ARHGAP15: variants seen among roughly 807,000 people sequenced by gnomAD.
The protein encoded by ARHGAP15 is rho GTPase-activating protein 15.
Under a neutral mutation model 63.7 loss-of-function variants are expected in ARHGAP15, and 51 were observed. That is an observed-to-expected ratio of 0.80 (90% CI 0.64 to 1.01). The LOEUF is 1.01. ARHGAP15 is among the 50% of genes least tolerant of loss of function. The probability of loss-of-function intolerance (pLI) is 0.00; values close to 1 mark genes in which losing one functional copy is unlikely to be tolerated. For missense variants in ARHGAP15, 560 were observed against 564.6 expected (o/e 0.99, Z 0.08); for synonymous variants, 191 against 193.8 (o/e 0.99, Z 0.12).
intron 6 of ARHGAP15, among the ~76,000 whole-genome samples, chr2:143,347,132 AATT>A (rs1299296546): frequency 6.6e-6 from 1 of 152,168 alleles, no homozygotes; most frequent in African/African-American, 2.4e-5. Flanking sequence ...ACCAGTAATC[AATT>A]ATTATTGAGA....
intron 12 of ARHGAP15, chr2:143,676,054 T>A (rs1394512574): frequency 6.6e-6 from 1 of 152,442 alleles, no homozygotes; most frequent in African/African-American, 2.4e-5. Flanking sequence ...CACTTGCTGC[T>A]TCACCTTCCA....
At chr2:143,615,824 T>C (rs1384174048) in intron 11 of ARHGAP15, among the ~76,000 whole-genome samples, 1 of 152,188 alleles carries the variant, frequency 6.6e-6, no homozygotes, top group Non-Finnish European at 1.5e-5. Flanking sequence ...GTACGTAATG[T>C]ATGAAATCAT....
chr2:143,270,478 T>C (rs955751818), intron 6 of ARHGAP15, among the ~76,000 whole-genome samples: 1 of 152,234 alleles, frequency 6.6e-6, no homozygotes, highest in Non-Finnish European at 1.5e-5. Context: ...CCATTGGTGA[T>C]ATTTAATATG....
intron 9 of ARHGAP15, among the ~76,000 whole-genome samples, chr2:143,488,835 T>C (rs896109540): frequency 6.6e-6 from 1 of 152,218 alleles, no homozygotes; most frequent in African/African-American, 2.4e-5. Flanking sequence ...ACTAATAGAA[T>C]AGAAAATTCT....
chr2:143,703,526 T>G lies in ARHGAP15; in HGVS notation c.1244+2T>G. The G allele has an allele frequency of 1.3e-6, 2 of 1,596,930 alleles. No homozygotes were observed. Among genetic ancestry groups the G allele is most frequent in the Non-Finnish European group, 1.7e-6 (2 of 1,171,128 alleles). Reference sequence around the variant, plus strand: ...AGTCCTCTTTGGACATCTAACTAAGTAAGTTGTAAGGATTTCTGGATGTGT... The same window carrying G: ...AGTCCTCTTTGGACATCTAACTAAGGAAGTTGTAAGGATTTCTGGATGTGT... On this transcript the variant is annotated splice_donor_variant, in intron 13 of 13. Transcript: ENST00000295095. LOFTEE classifies it high-confidence loss of function.
chr2:143,545,875 A>T (rs1695308056), intron 10 of ARHGAP15, among the ~76,000 whole-genome samples: 1 of 152,180 alleles, frequency 6.6e-6, no homozygotes, highest in South Asian at 2.1e-4. Flanking sequence ...CATACAGATG[A>T]CAAGATTCAC....
chr2:143,633,424 G>A (rs1256549016), intron 12 of ARHGAP15, among the ~76,000 whole-genome samples: 1 of 152,118 alleles, frequency 6.6e-6, no homozygotes, highest in Non-Finnish European at 1.5e-5. Context: ...AAACTAGAAG[G>A]TGATTCAGAA....
At chr2:143,387,838 CAAGCACACACACACGCATGG>C (rs1234545070) in intron 6 of ARHGAP15, among the ~76,000 whole-genome samples, 3 of 148,572 alleles carry the variant, frequency 2.0e-5, no homozygotes, top group Non-Finnish European at 2.9e-5. Context: ...CACACGCATG[CAAGCACACACACACGCATGG>C]ACGCACATAC....
chr2:143,416,519 A>C (rs527623552), intron 6 of ARHGAP15, among the ~76,000 whole-genome samples: 9 of 151,766 alleles, frequency 5.9e-5, no homozygotes, highest in African/African-American at 1.9e-4. Flanking sequence ...GTCCTCTGTT[A>C]CTCTGTCATG....
chr2:143,423,021 G>A (rs527446840), intron 6 of ARHGAP15, among the ~76,000 whole-genome samples: 3 of 152,206 alleles, frequency 2.0e-5, no homozygotes, highest in South Asian at 4.1e-4. Context: ...ATCTCAAGGT[G>A]GAGCATCTAA....
intron 13 of ARHGAP15, among the ~76,000 whole-genome samples, chr2:143,717,473 C>A (rs1384548616): frequency 6.6e-6 from 1 of 152,338 alleles, no homozygotes; most frequent in East Asian, 1.9e-4. Flanking sequence ...GCCTGTCAAG[C>A]TCCTTTCCAG....
chr2:143,149,843 A>C (rs4662314), intron 1 of ARHGAP15, among the ~76,000 whole-genome samples: 37,507 of 151,996 alleles, frequency 0.25, 6,231 homozygotes, highest in Admixed American at 0.39. Flanking sequence ...TACATTCAAC[A>C]AACATTTAAG....
chr2:143,510,018 T>TA (rs35469918), intron 9 of ARHGAP15, among the ~76,000 whole-genome samples: 3,875 of 48,848 alleles, frequency 0.079, 476 homozygotes, highest in East Asian at 0.21. Flanking sequence ...GACTCCCTCT[T>TA]AAAAAAAAAA....
intron 8 of ARHGAP15, among the ~76,000 whole-genome samples, chr2:143,455,884 A>G (rs1237105686): frequency 6.6e-6 from 1 of 151,928 alleles, no homozygotes; most frequent in Non-Finnish European, 1.5e-5. Flanking sequence ...TAAAATCCCA[A>G]ATGGTCTGGA....
intron 1 of ARHGAP15, among the ~76,000 whole-genome samples, chr2:143,143,747 G>A (rs1689470158): frequency 6.6e-6 from 1 of 151,806 alleles, no homozygotes; most frequent in Admixed American, 6.6e-5. Context: ...GAAATTGGAT[G>A]GGCATTCCCA....
At chr2:143,353,741 G>A (rs1685680024) in intron 6 of ARHGAP15, among the ~76,000 whole-genome samples, 2 of 152,268 alleles carry the variant, frequency 1.3e-5, no homozygotes, top group African/African-American at 4.8e-5. Context: ...GATTGACTGG[G>A]AAACTAAGGA....
At chr2:143,361,098 T>A (rs1686032305) in intron 6 of ARHGAP15, among the ~76,000 whole-genome samples, 1 of 152,090 alleles carries the variant, frequency 6.6e-6, no homozygotes, top group Non-Finnish European at 1.5e-5. Flanking sequence ...GGTTCCAGAA[T>A]TGCAGAGAGA....
chr2:143,530,925 A>G lies in ARHGAP15; in HGVS notation c.925+11561A>G, dbSNP rs77892770. ...TTTCATGATACAAAGTAAAAAATGT[A>G]TTGGCAATAAAACAGTCCAAAGAAA... On this transcript the variant is annotated intron_variant, in intron 10 of 13. Coordinates refer to ENST00000295095, the MANE Select transcript of ARHGAP15 (RefSeq NM_018460.4). Among the ~76,000 whole-genome samples the G allele has an allele frequency of 2.0e-3, 300 of 152,304 alleles. 1 individual carries two copies. Among genetic ancestry groups the G allele is most frequent in the African/African-American group, 6.9e-3 (286 of 41,568 alleles).
chr2:143,501,602 C>A (rs1290717531), intron 9 of ARHGAP15, among the ~76,000 whole-genome samples: 1 of 152,198 alleles, frequency 6.6e-6, no homozygotes, highest in East Asian at 1.9e-4. Flanking sequence ...GCATCCGTTT[C>A]TTATGTTCAT....
Sources: allele counts gnomAD v4.1 joint callset (sites outside exome capture counted in the v4.1 genomes callset), GRCh38; gene constraint gnomAD v4.1.1; transcripts MANE v1.5; gene names NCBI Gene and HGNC (gene_info 2026-07-23, HGNC 2026-07-21).